The following ARHGEF10 variants were observed in gnomAD, a reference collection of about 807,000 sequenced individuals.
ARHGEF10 encodes the protein Rho guanine nucleotide exchange factor 10.
ARHGEF10 carries 140 observed loss-of-function variants against 147.4 expected under a neutral mutation model. That is an observed-to-expected ratio of 0.95 (90% CI 0.83 to 1.09). The LOEUF (loss-of-function observed/expected upper bound fraction) is 1.09, where lower values mean the gene tolerates loss of function less well. Among genes scored for constraint, ARHGEF10 ranks in the 50% least tolerant of loss-of-function variants. The pLI, the probability that ARHGEF10 is intolerant of heterozygous loss-of-function variation, is 0.00. For missense variants in ARHGEF10, 2,222 were observed against 1,752.7 expected (o/e 1.27, Z -4.78); for synonymous variants, 902 against 695.8 (o/e 1.30, Z -4.67).
At chr8:1,866,713 A>T in intron 6 of ARHGEF10, 111 bp downstream of exon 6, 1 of 1,052,592 alleles carries the variant, frequency 9.5e-7, no homozygotes, top group Non-Finnish European at 1.5e-6. Flanking sequence ...AACTCTAAAA[A>T]GATGTTTATT....
intron 28 of ARHGEF10, among the ~76,000 whole-genome samples, chr8:1,953,422 C>T (rs747698321): frequency 2.3e-4 from 35 of 152,252 alleles, no homozygotes; most frequent in Middle Eastern, 3.4e-3. Flanking sequence ...GCCGGGGATC[C>T]GAAAAGGCTC....
chr8:1,928,525 C>T lies in ARHGEF10; in HGVS notation c.2796C>T (p.Ile932=). 1 of 1,614,222 alleles carries T rather than the reference C, an allele frequency of 6.2e-7. No individual in the cohort carries two copies. The highest frequency in any genetic ancestry group is 8.5e-7 in the Non-Finnish European group (1 of 1,180,044). Residue 932 remains isoleucine (I), a synonymous_variant, in exon 24 of 29, where the codon ATC becomes ATT. Coordinates refer to ENST00000349830, the MANE Select transcript of ARHGEF10 (RefSeq NM_014629.4). ...VIECFNVESR[I]LCMLYVPVEE... ...AGTGCTTCAACGTGGAATCTCGCAT[C>T]CTGTGCATGCTGTACGTTCCCGTCG...
chr8:1,858,047 C>G lies in ARHGEF10; in HGVS notation c.125C>G (p.Ala42Gly), dbSNP rs775076236. 6.2e-7 allele frequency: 1 copy of G among 1,614,070 alleles called. No individual in the cohort carries two copies. The change falls in exon 3 of 29, where the codon GCG (alanine) becomes GGG (glycine). Residue 42 changes from alanine to glycine, a missense_variant. Ala to Gly is a moderately conservative substitution (Grantham distance 60). Transcript: ENST00000349830. ...GACAGTGGAGATGAAATCCCAGAAG[C>G]GGACAGACAGGCCCCATCCGCCCCT... ...DFDSGDEIPE[A>G]DRQAPSAPET...
intron 23 of ARHGEF10, among the ~76,000 whole-genome samples, chr8:1,927,956 AAG>A (rs1352858860): frequency 6.6e-6 from 1 of 152,190 alleles, no homozygotes; most frequent in Non-Finnish European, 1.5e-5. Context: ...AAGAAAAAAA[AAG>A]AAATTCCACA....
chr8:1,855,945 G>T (rs948035947), intron 2 of ARHGEF10, among the ~76,000 whole-genome samples: 22 of 151,998 alleles, frequency 1.4e-4, no homozygotes, highest in African/African-American at 4.8e-4. Context: ...TCTGAAATAG[G>T]TTTTGTTTAC....
At chr8:1,921,228 A>C (rs1812264356) in intron 18 of ARHGEF10, among the ~76,000 whole-genome samples, 1 of 152,196 alleles carries the variant, frequency 6.6e-6, no homozygotes, top group African/African-American at 2.4e-5. Context: ...CAAAATTATA[A>C]ATGGTTATGC....
chr8:1,865,435 G>T (rs1046257704), intron 5 of ARHGEF10, among the ~76,000 whole-genome samples: 2 of 145,190 alleles, frequency 1.4e-5, no homozygotes, highest in Admixed American at 1.4e-4. Flanking sequence ...CCAGCACCCA[G>T]GGGGCCATCA....
chr8:1,835,548 C>T (rs868756923), intron 1 of ARHGEF10, among the ~76,000 whole-genome samples: 8 of 152,214 alleles, frequency 5.3e-5, no homozygotes, highest in South Asian at 2.1e-4. Context: ...CATGCTAGCA[C>T]GCTCATGCCG....
At chr8:1,838,313 AT>A (rs1488998422) in intron 1 of ARHGEF10, among the ~76,000 whole-genome samples, 1 of 152,054 alleles carries the variant, frequency 6.6e-6, no homozygotes, top group Non-Finnish European at 1.5e-5. Flanking sequence ...AGCATTGTTA[AT>A]TTTCTTTGTT....
At chr8:1,830,389 C>A (rs1429023669) in intron 1 of ARHGEF10, among the ~76,000 whole-genome samples, 1 of 152,224 alleles carries the variant, frequency 6.6e-6, no homozygotes, top group African/African-American at 2.4e-5. Context: ...CCTGCGAGCA[C>A]CTTCTTGGTC....
chr8:1,905,524 C>T, intron 16 of ARHGEF10, 47 bp from the exon 17 acceptor site: 1 of 1,613,356 alleles, frequency 6.2e-7, no homozygotes, highest in Non-Finnish European at 8.5e-7. Flanking sequence ...TTTTTCTTTT[C>T]CGGGTAAACT....
At chr8:1,914,777 G>C (rs952435545) in intron 18 of ARHGEF10, among the ~76,000 whole-genome samples, 5 of 152,204 alleles carry the variant, frequency 3.3e-5, no homozygotes, top group African/African-American at 1.2e-4. Flanking sequence ...TGGTTTTCCT[G>C]TATGGCGTGT....
chr8:1,925,002 G>A (rs1165014879), intron 21 of ARHGEF10, among the ~76,000 whole-genome samples: 2 of 152,216 alleles, frequency 1.3e-5, no homozygotes, highest in African/African-American at 4.8e-5. Flanking sequence ...TTTATACAGC[G>A]ACGTTTGGCA....
At chr8:1,895,498 T>C (rs577054767) in intron 13 of ARHGEF10, among the ~76,000 whole-genome samples, 3 of 152,216 alleles carry the variant, frequency 2.0e-5, no homozygotes, top group Non-Finnish European at 4.4e-5. Context: ...CTTTCAAAGA[T>C]ATTTGCATAA....
intron 11 of ARHGEF10, among the ~76,000 whole-genome samples, chr8:1,890,478 C>G (rs931729434): frequency 1.2e-4 from 17 of 144,728 alleles, no homozygotes; most frequent in Non-Finnish European, 1.5e-4. Context: ...TGAGGAGACA[C>G]TGAGTGGGGT....
intron 27 of ARHGEF10, 56 bp downstream of exon 27, chr8:1,945,711 G>A: frequency 6.2e-7 from 1 of 1,607,998 alleles, no homozygotes; most frequent in Non-Finnish European, 8.5e-7. Flanking sequence ...CGGACGTGGG[G>A]GGTGCGGAGC....
At chr8:1,919,069 G>A (rs1337983919) in intron 18 of ARHGEF10, among the ~76,000 whole-genome samples, 1 of 149,898 alleles carries the variant, frequency 6.7e-6, no homozygotes, top group Non-Finnish European at 1.5e-5. Context: ...TAGAGTGATA[G>A]AGCTGTTCCA....
chr8:1,906,474 G>A (rs936014090), intron 17 of ARHGEF10, among the ~76,000 whole-genome samples: 1 of 152,156 alleles, frequency 6.6e-6, no homozygotes, highest in East Asian at 1.9e-4. Context: ...CCCAGTGAGA[G>A]CCAGCTGTTA....
chr8:1,928,391 G>T, intron 23 of ARHGEF10, 36 bp from the exon 24 acceptor site: 1 of 1,598,866 alleles, frequency 6.3e-7, no homozygotes. Context: ...CCGCCACATG[G>T]TCGTTTTCTT....
Sources: allele counts gnomAD v4.1 joint callset (sites outside exome capture counted in the v4.1 genomes callset), GRCh38; gene constraint gnomAD v4.1.1; transcripts MANE v1.5; gene names NCBI Gene and HGNC (gene_info 2026-07-23, HGNC 2026-07-21).